ARHGAP6: variants seen among roughly 807,000 people sequenced by gnomAD.
ARHGAP6 encodes the protein Rho GTPase activating protein 6.
A neutral mutation model predicts 55.7 loss-of-function variants in ARHGAP6; 16 were observed. That is an observed-to-expected ratio of 0.29 (90% CI 0.19 to 0.44). ARHGAP6 has a LOEUF of 0.44. Among genes scored for constraint, ARHGAP6 ranks in the 20% least tolerant of loss-of-function variants. ARHGAP6 has a pLI of 1.00. For missense variants in ARHGAP6, 698 were observed against 808.9 expected, an observed-to-expected ratio of 0.86 and a Z score of 1.66; for synonymous variants, 382 against 360.9, an observed-to-expected ratio of 1.06 and a Z score of -0.66.
At chrX:11,494,194 C>T (rs2050600181) in intron 1 of ARHGAP6, among the ~76,000 whole-genome samples, 1 of 112,159 alleles carries the variant, frequency 8.9e-6, no homozygotes, top group Non-Finnish European at 1.9e-5. Flanking sequence ...GCCAGATGTC[C>T]TCTGAAGGAC....
intron 1 of ARHGAP6, among the ~76,000 whole-genome samples, chrX:11,419,764 T>A (rs145199616): frequency 1.8e-5 from 2 of 112,344 alleles, no homozygotes; most frequent in East Asian, 5.6e-4. Context: ...CTTATACATT[T>A]CTTTACCAGA....
At chrX:11,603,432 C>A (rs996928670) in intron 1 of ARHGAP6, among the ~76,000 whole-genome samples, 4 of 111,716 alleles carry the variant, frequency 3.6e-5, no homozygotes, top group African/African-American at 1.3e-4. Context: ...AAGTGTTTTA[C>A]CCTCAGTCGA....
At chrX:11,369,953 G>A (rs1017770955) in intron 1 of ARHGAP6, among the ~76,000 whole-genome samples, 1 of 112,622 alleles carries the variant, frequency 8.9e-6, no homozygotes, top group African/African-American at 3.2e-5. Flanking sequence ...GGTTTGGACA[G>A]ATCTACAGGA....
intron 1 of ARHGAP6, among the ~76,000 whole-genome samples, chrX:11,507,612 G>T (rs1016755343): frequency 3.6e-5 from 4 of 112,239 alleles, no homozygotes; most frequent in African/African-American, 1.3e-4. Flanking sequence ...GCTTCTAAAG[G>T]TTGAGGAACC....
chrX:11,212,912 G>A (rs916220169), intron 2 of ARHGAP6, among the ~76,000 whole-genome samples: 1 of 112,850 alleles, frequency 8.9e-6, no homozygotes, highest in South Asian at 3.6e-4. Flanking sequence ...CAGCCAGCCC[G>A]CCTGCCCGTG....
chrX:11,493,101 AT>A (rs369205181), intron 1 of ARHGAP6, among the ~76,000 whole-genome samples: 2 of 111,533 alleles, frequency 1.8e-5, no homozygotes, highest in African/African-American at 6.5e-5. Flanking sequence ...AACAAATCTC[AT>A]TTTTTTTAAG....
chrX:11,459,825 G>T (rs973229030), intron 1 of ARHGAP6, among the ~76,000 whole-genome samples: 1 of 111,427 alleles, frequency 9.0e-6, no homozygotes, highest in Non-Finnish European at 1.9e-5. Flanking sequence ...ACTTTTCCTT[G>T]AGGTGTGACT....
rs763495322 is a variant in ARHGAP6, at chrX:11,314,871, T to C, written c.589-60164A>G. Among the ~76,000 whole-genome samples the C allele has an allele frequency of 2.2e-4, 25 of 111,801 alleles. No individual in the cohort carries two copies. In the South Asian group the frequency reaches 9.2e-3, roughly 41 times the overall value. ...AATACCCGGGTGAGGAAATAATCTG[T>C]ACAACAAAACCCCATGATACAAGTT... On this transcript the variant is annotated intron_variant, in intron 1 of 12. Transcript: ENST00000337414.
chrX:11,541,953 C>T (rs1429994312), intron 1 of ARHGAP6, among the ~76,000 whole-genome samples: 1 of 112,116 alleles, frequency 8.9e-6, no homozygotes, highest in African/African-American at 3.2e-5. Context: ...TACTGAAATA[C>T]AAATGCAGAG....
intron 1 of ARHGAP6, among the ~76,000 whole-genome samples, chrX:11,631,141 T>A (rs1357301829): frequency 9.0e-6 from 1 of 111,651 alleles, no homozygotes; most frequent in East Asian, 2.8e-4. Context: ...ATTTCAAATA[T>A]GCATAGATAA....
intron 10 of ARHGAP6, among the ~76,000 whole-genome samples, chrX:11,155,261 C>T (rs1354901235): frequency 8.9e-6 from 1 of 112,044 alleles, no homozygotes; most frequent in Non-Finnish European, 1.9e-5. Context: ...GTTTATAAGA[C>T]ACCATCGATT....
At chrX:11,287,803 A>G (rs1006963332) in intron 1 of ARHGAP6, among the ~76,000 whole-genome samples, 2 of 112,522 alleles carry the variant, frequency 1.8e-5, no homozygotes, top group Admixed American at 1.9e-4. Context: ...CCCCTGGCAC[A>G]CAATGAACAA....
intron 6 of ARHGAP6, among the ~76,000 whole-genome samples, chrX:11,181,583 C>T (rs977317875): frequency 8.9e-6 from 1 of 112,096 alleles, no homozygotes; most frequent in African/African-American, 3.2e-5. Context: ...AGCACAGTCT[C>T]TATGTGAAAA....
chrX:11,214,709 G>T (rs1323107852), intron 2 of ARHGAP6, among the ~76,000 whole-genome samples: 1 of 113,389 alleles, frequency 8.8e-6, no homozygotes, highest in Non-Finnish European at 1.9e-5. Context: ...GGCCCCAGCG[G>T]CCCACCACCC....
intron 1 of ARHGAP6, among the ~76,000 whole-genome samples, chrX:11,282,828 T>C (rs1452561012): frequency 8.9e-6 from 1 of 112,253 alleles, no homozygotes; most frequent in Non-Finnish European, 1.9e-5. Flanking sequence ...ATAGTCTATG[T>C]TGAGAAACAC....
intron 2 of ARHGAP6, among the ~76,000 whole-genome samples, chrX:11,247,659 A>G (rs1224671971): frequency 1.8e-5 from 2 of 112,291 alleles, no homozygotes; most frequent in Non-Finnish European, 3.8e-5. Flanking sequence ...TTCAGTTGCT[A>G]ACCCCTGATT....
intron 1 of ARHGAP6, among the ~76,000 whole-genome samples, chrX:11,435,694 C>T (rs73632652): frequency 2.2e-4 from 25 of 111,824 alleles, no homozygotes; most frequent in African/African-American, 7.8e-4. Flanking sequence ...ATTTGTCCAA[C>T]GTCATGCAGA....
chrX:11,219,142 G>GA (rs1192394123), intron 2 of ARHGAP6, among the ~76,000 whole-genome samples: 2 of 96,246 alleles, frequency 2.1e-5, no homozygotes, highest in East Asian at 6.7e-4. Context: ...GCGGTGTTTG[G>GA]TTTTTTGTTC....
intron 1 of ARHGAP6, among the ~76,000 whole-genome samples, chrX:11,372,062 TAAAAC>T (rs1012005862): frequency 1.8e-5 from 2 of 112,267 alleles, no homozygotes; most frequent in African/African-American, 6.5e-5. Context: ...CTAAAGTTGA[TAAAAC>T]AAAAGGGGAA....
Sources: allele counts gnomAD v4.1 joint callset (sites outside exome capture counted in the v4.1 genomes callset), GRCh38; gene constraint gnomAD v4.1.1; transcripts MANE v1.5; gene names NCBI Gene and HGNC (gene_info 2026-07-23, HGNC 2026-07-21).